ZNF609: variants seen among roughly 807,000 people sequenced by gnomAD.
The protein encoded by ZNF609 is zinc finger protein 609.
A neutral mutation model predicts 109.5 loss-of-function variants in ZNF609; 11 were observed. That is an observed-to-expected ratio of 0.10 (90% CI 0.06 to 0.17). ZNF609 has a LOEUF of 0.17. Ranked by LOEUF, ZNF609 falls within the 10% of genes least tolerant of loss-of-function variation. The pLI, the probability that ZNF609 is intolerant of heterozygous loss-of-function variation, is 1.00. For synonymous variants in ZNF609, 646 were observed against 662.0 expected (o/e 0.98, Z 0.37); for missense variants, 1,559 against 1,772.4 (o/e 0.88, Z 2.16).
At chr15:64,508,945 T>C (rs1234129080) in intron 2 of ZNF609, among the ~76,000 whole-genome samples, 1 of 152,134 alleles carries the variant, frequency 6.6e-6, no homozygotes, top group Admixed American at 6.5e-5. Flanking sequence ...CCTCCTGCCT[T>C]GGCCTCCCAA....
chr15:64,592,456 T>C (rs764613010), intron 2 of ZNF609, among the ~76,000 whole-genome samples: 1 of 152,098 alleles, frequency 6.6e-6, no homozygotes, highest in South Asian at 2.1e-4. Flanking sequence ...CAGGTGCCTG[T>C]AATCCTAGCT....
chr15:64,552,872 C>T (rs1189462330), intron 2 of ZNF609, among the ~76,000 whole-genome samples: 1 of 152,134 alleles, frequency 6.6e-6, no homozygotes, highest in Non-Finnish European at 1.5e-5. Flanking sequence ...GTCTCAAACT[C>T]CTGGCCTCAA....
At chr15:64,561,546 C>CTTTTTTTTTTT (rs923856577) in intron 2 of ZNF609, among the ~76,000 whole-genome samples, 1 of 142,310 alleles carries the variant, frequency 7.0e-6, no homozygotes. Flanking sequence ...CTTTTCTTTT[C>CTTTTTTTTTTT]TTTTTCTTTT....
chr15:64,634,241 A>T (rs1896134293), intron 3 of ZNF609, among the ~76,000 whole-genome samples: 2 of 152,140 alleles, frequency 1.3e-5, no homozygotes, highest in South Asian at 4.2e-4. Flanking sequence ...CCCTACTTCA[A>T]ACTCTGTGGT....
chr15:64,646,114 A>G (rs773709447), intron 3 of ZNF609, among the ~76,000 whole-genome samples: 1 of 152,226 alleles, frequency 6.6e-6, no homozygotes, highest in Non-Finnish European at 1.5e-5. Flanking sequence ...CAATATTCAG[A>G]AGGTAGAAAT....
At chr15:64,680,561 T>TTG (rs147044397) in intron 7 of ZNF609, 85 bp from the exon 8 acceptor site, 146,819 of 1,102,186 alleles carry the variant, frequency 0.13, 2,138 homozygotes, top group South Asian at 0.31. Flanking sequence ...GGCATCTCAC[T>TTG]TGTGTGTGTG....
At position 64,517,152 on chromosome 15, in the gene ZNF609, G is replaced by A. The variant is rs140105773; in HGVS notation, c.747+16986G>A. On this transcript the variant is annotated intron_variant, in intron 2 of 9. Transcript: ENST00000326648. ...GCACTTTGGGAGGCCAAAGCACGTG[G>A]ATCACCTGAGGTCAGGAGTTCAAGA... Among the ~76,000 whole-genome samples the A allele has an allele frequency of 3.5e-3, 532 of 152,262 alleles. 2 individuals carry two copies. The highest frequency in any genetic ancestry group is 0.012 in the African/African-American group (506 of 41,550).
intron 1 of ZNF609, among the ~76,000 whole-genome samples, chr15:64,494,495 C>T (rs1348999359): frequency 6.6e-6 from 1 of 152,102 alleles, no homozygotes; most frequent in East Asian, 1.9e-4. Context: ...CACAGAGTTA[C>T]TTTCTTCCAC....
chr15:64,576,997 A>C (rs529912285), intron 2 of ZNF609, among the ~76,000 whole-genome samples: 18 of 123,646 alleles, frequency 1.5e-4, no homozygotes, highest in African/African-American at 5.3e-4. Context: ...TATACACATA[A>C]ATATATATAT....
At chr15:64,517,477 C>T (rs146868493) in intron 2 of ZNF609, among the ~76,000 whole-genome samples, 1 of 152,246 alleles carries the variant, frequency 6.6e-6, no homozygotes, top group African/African-American at 2.4e-5. Flanking sequence ...GGAGGGCTAT[C>T]CTAGTCAAGC....
chr15:64,531,398 AT>A (rs1894058769), intron 2 of ZNF609, among the ~76,000 whole-genome samples: 1 of 151,686 alleles, frequency 6.6e-6, no homozygotes, highest in Admixed American at 6.6e-5. Flanking sequence ...TATTCCAGAC[AT>A]TATTATTATT....
At chr15:64,596,927 G>C (rs990999521) in intron 2 of ZNF609, among the ~76,000 whole-genome samples, 4 of 152,158 alleles carry the variant, frequency 2.6e-5, no homozygotes, top group Non-Finnish European at 4.4e-5. Flanking sequence ...ACTAAAAGCT[G>C]TACTTAACTG....
chr15:64,662,716 A>G (rs1425123316), intron 3 of ZNF609, among the ~76,000 whole-genome samples: 1 of 151,898 alleles, frequency 6.6e-6, no homozygotes, highest in Non-Finnish European at 1.5e-5. Context: ...CCCAGACGGG[A>G]GTGCAGTGGC....
At chr15:64,620,510 G>T (rs989420252) in intron 2 of ZNF609, among the ~76,000 whole-genome samples, 4 of 152,172 alleles carry the variant, frequency 2.6e-5, no homozygotes, top group Non-Finnish European at 5.9e-5. Context: ...CAAGAAGGTT[G>T]GGAAATTAAA....
At chr15:64,631,269 T>C (rs1458957342) in intron 3 of ZNF609, 6 of 658,796 alleles carry the variant, frequency 9.1e-6, no homozygotes, top group Non-Finnish European at 1.1e-5. Context: ...CCTTCACATG[T>C]TTCAGGAAGC....
chr15:64,611,671 A>G (rs980093353), intron 2 of ZNF609, among the ~76,000 whole-genome samples: 3 of 152,154 alleles, frequency 2.0e-5, no homozygotes, highest in Non-Finnish European at 4.4e-5. Flanking sequence ...TCAAAAGCAA[A>G]AACAAACAAA....
intron 2 of ZNF609, among the ~76,000 whole-genome samples, chr15:64,596,212 G>A (rs1290680156): frequency 2.0e-5 from 3 of 151,972 alleles, no homozygotes; most frequent in Admixed American, 6.6e-5. Flanking sequence ...AAAGTGCAGC[G>A]GCGCGATCTC....
intron 2 of ZNF609, among the ~76,000 whole-genome samples, chr15:64,571,748 C>T (rs955764311): frequency 3.9e-5 from 6 of 152,202 alleles, no homozygotes; most frequent in Admixed American, 6.5e-5. Flanking sequence ...TCACTCACTG[C>T]AGCCTCTGCC....
At chr15:64,587,983 G>T (rs1389086931) in intron 2 of ZNF609, among the ~76,000 whole-genome samples, 1 of 151,580 alleles carries the variant, frequency 6.6e-6, no homozygotes, top group Non-Finnish European at 1.5e-5. Context: ...CAGGTGATCT[G>T]CCCGCCTCAG....
Sources: gnomAD v4.1 joint callset for allele counts (sites outside exome capture counted in the v4.1 genomes callset) on GRCh38, gnomAD v4.1.1 for gene constraint, MANE v1.5 for transcripts, NCBI Gene and HGNC (gene_info 2026-07-23, HGNC 2026-07-21) for gene names.